BMERB1: variants seen among roughly 807,000 people sequenced by gnomAD.
BMERB1 encodes the protein bMERB domain-containing protein 1.
In BMERB1, 12 loss-of-function variants were observed where a neutral mutation model predicts 23.6. The ratio of observed to expected loss-of-function variants is 0.51; its 90% CI spans 0.33 to 0.82. BMERB1 has a LOEUF of 0.82. Among genes scored for constraint, BMERB1 ranks in the 40% least tolerant of loss-of-function variants. BMERB1 has a pLI of 0.03. For synonymous variants in BMERB1, 122 were observed against 96.6 expected, an observed-to-expected ratio of 1.26 and a Z score of -1.54; for missense variants, 247 against 255.4, an observed-to-expected ratio of 0.97 and a Z score of 0.22.
chr16:15,571,254 G>T (rs1449288262), intron 3 of BMERB1, among the ~76,000 whole-genome samples: 1 of 152,132 alleles, frequency 6.6e-6, no homozygotes. Context: ...GGTCAGGGGG[G>T]TGTGCAACAT....
At chr16:15,454,689 G>C (rs2051068812) in intron 1 of BMERB1, among the ~76,000 whole-genome samples, 2 of 152,134 alleles carry the variant, frequency 1.3e-5, no homozygotes, top group South Asian at 4.1e-4. Flanking sequence ...CTACTCAGGA[G>C]GCTGAGGCAG....
chr16:15,486,157 G>A (rs954128155), intron 1 of BMERB1, among the ~76,000 whole-genome samples: 17 of 147,976 alleles, frequency 1.1e-4, no homozygotes, highest in African/African-American at 1.7e-4. Flanking sequence ...AGCCGAGATC[G>A]TGCCACTATA....
intron 1 of BMERB1, among the ~76,000 whole-genome samples, chr16:15,476,004 C>T (rs2051271889): frequency 6.6e-6 from 1 of 152,156 alleles, no homozygotes. Context: ...AGCTCCCATC[C>T]TGAATCACAT....
intron 5 of BMERB1, among the ~76,000 whole-genome samples, chr16:15,583,689 A>T (rs2031072714): frequency 6.6e-6 from 1 of 152,066 alleles, no homozygotes; most frequent in South Asian, 2.1e-4. Context: ...GCATGGGATG[A>T]CAGCAGGCAG....
intron 1 of BMERB1, among the ~76,000 whole-genome samples, chr16:15,459,587 TAAC>T (rs1300102364): frequency 6.6e-6 from 1 of 152,162 alleles, no homozygotes; most frequent in Admixed American, 6.6e-5. Context: ...ATGTGTCCAA[TAAC>T]AAGAGTAGAA....
intron 1 of BMERB1, among the ~76,000 whole-genome samples, chr16:15,476,818 A>G (rs1411939730): frequency 1.3e-5 from 2 of 152,172 alleles, no homozygotes; most frequent in East Asian, 1.9e-4. Context: ...ATACAGGATC[A>G]GCTTCCCACT....
At chr16:15,478,752 C>T (rs2051293811) in intron 1 of BMERB1, among the ~76,000 whole-genome samples, 1 of 152,182 alleles carries the variant, frequency 6.6e-6, no homozygotes, top group Non-Finnish European at 1.5e-5. Context: ...TCTTCATATT[C>T]TTCATGGCCA....
chr16:15,447,244 G>A (rs1416975686), intron 1 of BMERB1, among the ~76,000 whole-genome samples: 1 of 152,194 alleles, frequency 6.6e-6, no homozygotes, highest in Non-Finnish European at 1.5e-5. Flanking sequence ...CCACCTGGCC[G>A]AAGAGTCCTC....
At chr16:15,496,699 C>T (rs1029246730) in intron 1 of BMERB1, among the ~76,000 whole-genome samples, 11 of 152,008 alleles carry the variant, frequency 7.2e-5, no homozygotes, top group Non-Finnish European at 1.5e-4. Context: ...CCACCACGCC[C>T]GGCTAATTTT....
chr16:15,510,711 T>G (rs1015729568), intron 1 of BMERB1, among the ~76,000 whole-genome samples: 1 of 148,784 alleles, frequency 6.7e-6, no homozygotes, highest in African/African-American at 2.5e-5. Context: ...TTAATTATCT[T>G]TTTTTTTTTA....
Position 15,465,352 on chromosome 16 carries a change from TA to T in BMERB1, c.106+30594del, listed in dbSNP as rs1392182822. Among the ~76,000 whole-genome samples the T allele has an allele frequency of 1.6e-3, 155 of 96,834 alleles. 1 individual carries two copies. The highest frequency in any genetic ancestry group is 0.013 in the South Asian group (40 of 3,078). 63.5% of individuals were successfully genotyped at this position (96,834 alleles called of 152,430 possible). On this transcript the variant is annotated intron_variant, in intron 1 of 5. Transcript: ENST00000300006. The stretch of plus-strand genomic sequence containing the variant: ...CAAATTTGGTCAATGCTAAGATATA[TA>T]TTTTTTTTTTTTTTTTTGAGACTGG...
intron 3 of BMERB1, among the ~76,000 whole-genome samples, chr16:15,570,088 TATC>T (rs2030684962): frequency 1.3e-5 from 2 of 152,188 alleles, no homozygotes; most frequent in South Asian, 2.1e-4. Flanking sequence ...TTCTCACTGT[TATC>T]ATTTTTGCAA....
intron 2 of BMERB1, among the ~76,000 whole-genome samples, chr16:15,560,343 A>T (rs990086781): frequency 1.1e-4 from 16 of 152,242 alleles, no homozygotes; most frequent in African/African-American, 3.9e-4. Context: ...GATTGCTGTG[A>T]AATACACCAG....
intron 1 of BMERB1, among the ~76,000 whole-genome samples, chr16:15,480,766 A>AC: frequency 6.6e-6 from 1 of 151,952 alleles, no homozygotes; most frequent in East Asian, 1.9e-4. Context: ...GGCATGCACC[A>AC]CCACACCGAG....
intron 1 of BMERB1, among the ~76,000 whole-genome samples, chr16:15,486,497 G>T (rs1445890890): frequency 6.6e-6 from 1 of 152,088 alleles, no homozygotes. Context: ...GTTGAGACTG[G>T]AATCTTAATC....
chr16:15,583,312 T>TTACAGGCGTGATC, intron 5 of BMERB1, 74 bp downstream of exon 5: 1 of 1,239,290 alleles, frequency 8.1e-7, no homozygotes, highest in Non-Finnish European at 1.2e-6. Context: ...CCACAGTGGA[T>TTACAGGCGTGATC]CACGCCTGTA....
At chr16:15,497,880 C>T (rs754176669) in intron 1 of BMERB1, among the ~76,000 whole-genome samples, 19 of 152,174 alleles carry the variant, frequency 1.2e-4, no homozygotes, top group South Asian at 2.1e-4. Flanking sequence ...CTCCTGCCCC[C>T]GGGTTCCTGT....
At chr16:15,585,661 C>G (rs941669729) in intron 5 of BMERB1, among the ~76,000 whole-genome samples, 1 of 152,102 alleles carries the variant, frequency 6.6e-6, no homozygotes, top group Non-Finnish European at 1.5e-5. Context: ...GAAACCTTGT[C>G]TCTGCTAAAA....
At chr16:15,576,936 C>T (rs2030877554) in intron 3 of BMERB1, among the ~76,000 whole-genome samples, 1 of 152,140 alleles carries the variant, frequency 6.6e-6, no homozygotes, top group African/African-American at 2.4e-5. Context: ...GGAATTCCGG[C>T]CTGTGGCAGA....
Sources: gnomAD v4.1 joint callset for allele counts (sites outside exome capture counted in the v4.1 genomes callset) on GRCh38, gnomAD v4.1.1 for gene constraint, MANE v1.5 for transcripts, NCBI Gene and HGNC (gene_info 2026-07-23, HGNC 2026-07-21) for gene names.